SIL1: variants seen among roughly 807,000 people sequenced by gnomAD.
SIL1 encodes SIL1 nucleotide exchange factor.
In SIL1, 40 loss-of-function variants were observed where a neutral mutation model predicts 49.1. That is an observed-to-expected ratio of 0.81 (90% CI 0.63 to 1.06). The LOEUF is 1.06. SIL1 is among the 50% of genes least tolerant of loss of function. SIL1 has a pLI of 0.00. For synonymous variants in SIL1, 253 were observed against 250.8 expected (o/e 1.01, Z -0.08); for missense variants, 500 against 572.6 (o/e 0.87, Z 1.29).
intron 5 of SIL1, among the ~76,000 whole-genome samples, chr5:139,042,177 T>C (rs1769061923): frequency 2.0e-5 from 3 of 152,362 alleles, no homozygotes; most frequent in Admixed American, 6.5e-5. Flanking sequence ...ATTTGCTACA[T>C]GTTCAAAGGA....
At chr5:139,027,199 A>G (rs1317860280) in intron 5 of SIL1, among the ~76,000 whole-genome samples, 1 of 152,212 alleles carries the variant, frequency 6.6e-6, no homozygotes, top group African/African-American at 2.4e-5. Flanking sequence ...TCAGCTCTAA[A>G]AACACACTCA....
intron 3 of SIL1, among the ~76,000 whole-genome samples, chr5:139,088,186 T>C (rs1430815008): frequency 1.3e-5 from 2 of 152,244 alleles, no homozygotes; most frequent in African/African-American, 4.8e-5. Context: ...CCACAATGAT[T>C]CTTTCATTCA....
chr5:139,126,602 T>A (rs1750758115), intron 2 of SIL1, among the ~76,000 whole-genome samples: 1 of 152,160 alleles, frequency 6.6e-6, no homozygotes, highest in Non-Finnish European at 1.5e-5. Flanking sequence ...ATCCCATTCT[T>A]ACTGTCCTTG....
In SIL1 at chr5:138,993,665, GA is replaced by G. The variant is rs528258608; in HGVS notation, c.767+27505del. ...GCTGCCATGTTGTGAGCTGCTTATG[GA>G]GATAGCCATGTGGCAAGGAACTGAG... is the stretch of plus-strand genomic sequence containing the variant. On this transcript the variant is annotated intron_variant, in intron 7 of 9. Transcript: ENST00000394817. Among the ~76,000 whole-genome samples the G allele has an allele frequency of 1.4e-4, 22 of 152,342 alleles. No individual in the cohort carries two copies. In the South Asian group the frequency reaches 4.6e-3, roughly 32 times the overall value.
In SIL1 at chr5:139,150,605, G is replaced by A. The variant is rs574673452; in HGVS notation, c.-10-22752C>T. Among the ~76,000 whole-genome samples, 70 of 152,206 alleles carry A rather than the reference G, an allele frequency of 4.6e-4. 1 individual carries two copies. The highest frequency in any genetic ancestry group is 9.2e-4 in the Admixed American group (14 of 15,292). ...GAAGCCAAAGGCACATGGCTTTGACGAATCTCTCATTTGCTCAACTCAGGG... is the reference window on the plus strand; with the variant it reads ...GAAGCCAAAGGCACATGGCTTTGACAAATCTCTCATTTGCTCAACTCAGGG... On this transcript the variant is annotated intron_variant, in intron 1 of 9. Coordinates refer to ENST00000394817, the MANE Select transcript of SIL1 (RefSeq NM_022464.5).
chr5:139,015,367 AT>A (rs1719624834), intron 7 of SIL1, among the ~76,000 whole-genome samples: 1 of 152,282 alleles, frequency 6.6e-6, no homozygotes, highest in African/African-American at 2.4e-5. Flanking sequence ...TCTGAGAGGG[AT>A]TTTGGAAATA....
intron 3 of SIL1, among the ~76,000 whole-genome samples, chr5:139,093,411 C>T (rs1431961757): frequency 2.0e-5 from 3 of 152,276 alleles, no homozygotes; most frequent in East Asian, 3.9e-4. Flanking sequence ...GAACAGGTGC[C>T]GTCCACAATC....
intron 1 of SIL1, among the ~76,000 whole-genome samples, chr5:139,171,136 C>T (rs1751754613): frequency 1.3e-5 from 2 of 151,936 alleles, no homozygotes; most frequent in African/African-American, 4.8e-5. Context: ...GGCGCCTCTG[C>T]CCCGCCGCCC....
At chr5:139,067,702 C>T (rs1769737895) in intron 3 of SIL1, among the ~76,000 whole-genome samples, 1 of 152,212 alleles carries the variant, frequency 6.6e-6, no homozygotes, top group African/African-American at 2.4e-5. Flanking sequence ...AGCCTCTGGG[C>T]CAATAATGGC....
chr5:139,170,984 G>T (rs1238366336), intron 1 of SIL1, among the ~76,000 whole-genome samples: 2 of 147,810 alleles, frequency 1.4e-5, no homozygotes, highest in Non-Finnish European at 3.0e-5. Context: ...CAGCCGCCCC[G>T]TCCGGGAGGT....
chr5:139,169,302 T>C, intron 1 of SIL1, among the ~76,000 whole-genome samples: 1 of 152,130 alleles, frequency 6.6e-6, no homozygotes, highest in East Asian at 1.9e-4. Flanking sequence ...ACAAAGCCTA[T>C]GACAATAAAA....
At chr5:138,987,030 A>T (rs1331025558) in intron 7 of SIL1, among the ~76,000 whole-genome samples, 2 of 151,986 alleles carry the variant, frequency 1.3e-5, no homozygotes, top group Non-Finnish European at 2.9e-5. Flanking sequence ...GAGGGGAAAA[A>T]AAATTGGGTC....
intron 1 of SIL1, chr5:139,128,147 C>T: frequency 2.4e-6 from 1 of 408,882 alleles, no homozygotes; most frequent in Non-Finnish European, 4.8e-6. Context: ...CAGGTTGTGG[C>T]GGGTGGTCTT....
At chr5:139,053,283 C>G (rs778844844) in intron 3 of SIL1, among the ~76,000 whole-genome samples, 1 of 152,120 alleles carries the variant, frequency 6.6e-6, no homozygotes, top group Non-Finnish European at 1.5e-5. Flanking sequence ...ACATTGATAC[C>G]CAATCTACCT....
At chr5:138,990,230 C>T (rs940003446) in intron 7 of SIL1, among the ~76,000 whole-genome samples, 1 of 152,184 alleles carries the variant, frequency 6.6e-6, no homozygotes, top group African/African-American at 2.4e-5. Context: ...AAGACACTTG[C>T]TCAGAGCAAA....
chr5:139,170,324 G>A (rs1324508799), intron 1 of SIL1, among the ~76,000 whole-genome samples: 2 of 151,924 alleles, frequency 1.3e-5, no homozygotes, highest in Admixed American at 1.3e-4. Flanking sequence ...CTGCTTGGCC[G>A]CCCATCGTGT....
intron 7 of SIL1, among the ~76,000 whole-genome samples, chr5:139,000,642 A>C (rs1195573784): frequency 6.6e-6 from 1 of 152,146 alleles, no homozygotes; most frequent in Non-Finnish European, 1.5e-5. Flanking sequence ...CTCTCAGAAG[A>C]TAATATAGGC....
chr5:139,024,234 G>C (rs565066955), intron 6 of SIL1, among the ~76,000 whole-genome samples: 3 of 152,332 alleles, frequency 2.0e-5, no homozygotes, highest in Non-Finnish European at 4.4e-5. Flanking sequence ...GGAGGACTGA[G>C]TTGGCAAATA....
intron 1 of SIL1, among the ~76,000 whole-genome samples, chr5:139,169,643 G>A (rs1023367700): frequency 1.3e-5 from 2 of 151,792 alleles, no homozygotes; most frequent in African/African-American, 4.8e-5. Context: ...CACCACACCT[G>A]GCTAATTTTT....
Sources: allele counts gnomAD v4.1 joint callset (sites outside exome capture counted in the v4.1 genomes callset), GRCh38; gene constraint gnomAD v4.1.1; transcripts MANE v1.5; gene names NCBI Gene and HGNC (gene_info 2026-07-23, HGNC 2026-07-21).